PAPPA: variants seen among roughly 807,000 people sequenced by gnomAD.
The protein encoded by PAPPA is pappalysin 1.
In PAPPA, 60 loss-of-function variants were observed where a neutral mutation model predicts 164.0. The observed-to-expected ratio is 0.37, with a 90% CI of 0.30 to 0.45. The LOEUF (loss-of-function observed/expected upper bound fraction) is 0.45. PAPPA is among the 20% of genes least tolerant of loss of function. PAPPA has a pLI of 1.00. For synonymous variants in PAPPA, 875 were observed against 814.1 expected (o/e 1.07, Z -1.27); for missense variants, 1,782 against 2,087.3 (o/e 0.85, Z 2.85).
chr9:116,236,559 C>T (rs567233199), intron 7 of PAPPA, among the ~76,000 whole-genome samples: 4 of 149,572 alleles, frequency 2.7e-5, no homozygotes, highest in African/African-American at 9.9e-5. Context: ...GCACTCCAGC[C>T]TCGGCCACAA....
At chr9:116,308,542 A>AG (rs1845675876) in intron 10 of PAPPA, among the ~76,000 whole-genome samples, 1 of 152,250 alleles carries the variant, frequency 6.6e-6, no homozygotes, top group African/African-American at 2.4e-5. Flanking sequence ...CATCTCTATA[A>AG]GGGGCAGAAC....
rs146565291 is a variant in PAPPA, at chr9:116,363,090, G to A, written c.4495+351G>A. On this transcript the variant is annotated intron_variant, in intron 18 of 21. Coordinates refer to ENST00000328252, the MANE Select transcript of PAPPA (RefSeq NM_002581.5). ...CAGGCAGAAGAAACTCTGTGGCTGA[G>A]GAGCAGGAGTTATGAAAGCACACAT... Among the ~76,000 whole-genome samples, 1,419 of 152,324 alleles carry A rather than the reference G, an allele frequency of 9.3e-3. 12 individuals are homozygous for A. Among genetic ancestry groups the A allele is most frequent in the Non-Finnish European group, 0.014 (958 of 68,026 alleles).
chr9:116,224,933 A>G (rs1474725022), intron 5 of PAPPA, among the ~76,000 whole-genome samples: 1 of 150,582 alleles, frequency 6.6e-6, no homozygotes, highest in East Asian at 2.0e-4. Flanking sequence ...CATGAAGACA[A>G]TGTGAATGTG....
intron 2 of PAPPA, among the ~76,000 whole-genome samples, chr9:116,189,810 C>G (rs73525813): frequency 5.9e-5 from 9 of 152,194 alleles, no homozygotes; most frequent in Admixed American, 3.3e-4. Flanking sequence ...CTCTTTATGT[C>G]TCTCTCAAAA....
At chr9:116,287,812 G>A (rs1004941444) in intron 9 of PAPPA, among the ~76,000 whole-genome samples, 1 of 152,086 alleles carries the variant, frequency 6.6e-6, no homozygotes, top group African/African-American at 2.4e-5. Flanking sequence ...GCCCAGAATT[G>A]GCCTCTTCAG....
At chr9:116,191,421 C>T (rs536462657) in intron 2 of PAPPA, among the ~76,000 whole-genome samples, 14 of 152,290 alleles carry the variant, frequency 9.2e-5, no homozygotes, top group African/African-American at 3.1e-4. Flanking sequence ...TATCTTATTC[C>T]ATTTCATATC....
At chr9:116,170,146 C>T (rs1843759915) in intron 1 of PAPPA, among the ~76,000 whole-genome samples, 1 of 151,896 alleles carries the variant, frequency 6.6e-6, no homozygotes, top group Non-Finnish European at 1.5e-5. Context: ...ATATATGTCC[C>T]CCAAATGGTG....
In PAPPA at chr9:116,207,407, T is replaced by TATTTAAATAG. The variant is rs1554737997; in HGVS notation, c.1479-49_1479-48insATTTAAATAG. 583 of 1,512,958 alleles carry TATTTAAATAG rather than the reference T, an allele frequency of 3.9e-4. 2 individuals are homozygous for TATTTAAATAG. Among genetic ancestry groups the TATTTAAATAG allele is most frequent in the Admixed American group, 3.5e-4 (18 of 51,328 alleles). 93.7% of individuals were successfully genotyped at this position (1,512,958 alleles called of 1,614,324 possible). A position where few individuals can be genotyped will look rare whatever the true frequency, so the allele number is the denominator to read the frequency against. The stretch of plus-strand genomic sequence containing the variant: ...CTCTAAATTATTTGGAGAGGGCCTG[T>TATTTAAATAG]TATCTTTTTGGGGGCATGATAACAG... On this transcript the variant is annotated intron_variant, in intron 2 of 21. Transcript: ENST00000328252.
At chr9:116,379,083 G>T (rs1056612712) in intron 20 of PAPPA, among the ~76,000 whole-genome samples, 1 of 152,174 alleles carries the variant, frequency 6.6e-6, no homozygotes, top group African/African-American at 2.4e-5. Flanking sequence ...CTGAGTTGGC[G>T]GTCTGGGCAA....
intron 7 of PAPPA, among the ~76,000 whole-genome samples, chr9:116,240,509 T>A (rs1844722709): frequency 6.6e-6 from 1 of 152,194 alleles, no homozygotes. Flanking sequence ...TGAGAAAATG[T>A]TCTTTAAATG....
chr9:116,248,060 G>T (rs779221495), intron 7 of PAPPA, among the ~76,000 whole-genome samples: 1 of 152,124 alleles, frequency 6.6e-6, no homozygotes, highest in African/African-American at 2.4e-5. Context: ...TTTTCACTAC[G>T]CTTGTTCTTG....
At chr9:116,358,119 C>A (rs75120024) in intron 17 of PAPPA, among the ~76,000 whole-genome samples, 1 of 152,114 alleles carries the variant, frequency 6.6e-6, no homozygotes, top group Non-Finnish European at 1.5e-5. Context: ...AGAAGAGTCA[C>A]AGACCCATGT....
In PAPPA at chr9:116,392,836, C is replaced by A. The variant is rs3789305; in HGVS notation, c.4777-3673C>A. 0.013 allele frequency among the ~76,000 whole-genome samples: 1,943 copies of A among 152,276 alleles called. 177 individuals carry two copies. In the South Asian group the frequency reaches 0.2, roughly 16 times the overall value. ...GACCCTTGTCTTACAGATGGGGAGG[C>A]TGAAGTCCACAAGATGCCAGGGACT... is the stretch of plus-strand genomic sequence containing the variant. On this transcript the variant is annotated intron_variant, in intron 21 of 21. Transcript: ENST00000328252.
intron 7 of PAPPA, among the ~76,000 whole-genome samples, chr9:116,259,486 A>C (rs982975683): frequency 2.6e-5 from 4 of 152,230 alleles, no homozygotes; most frequent in African/African-American, 9.6e-5. Flanking sequence ...ATAGGCAAAA[A>C]GATGAACAAA....
chr9:116,223,288 G>A (rs1258583218), intron 5 of PAPPA, among the ~76,000 whole-genome samples: 1 of 152,090 alleles, frequency 6.6e-6, no homozygotes, highest in African/African-American at 2.4e-5. Context: ...CAGACTTTTG[G>A]TCAAGCCTTG....
At chr9:116,186,254 CTATATAGA>C (rs1459216494) in intron 1 of PAPPA, among the ~76,000 whole-genome samples, 2 of 143,144 alleles carry the variant, frequency 1.4e-5, no homozygotes, top group Non-Finnish European at 3.1e-5. Flanking sequence ...ATCTATATAT[CTATATAGA>C]TATATAGATA....
intron 8 of PAPPA, among the ~76,000 whole-genome samples, chr9:116,268,695 C>CCTAAT (rs1564204857): frequency 6.6e-6 from 1 of 151,184 alleles, no homozygotes; most frequent in Non-Finnish European, 1.5e-5. Context: ...AAATAGTATA[C>CCTAAT]TTAATACAGT....
intron 9 of PAPPA, among the ~76,000 whole-genome samples, chr9:116,298,346 A>G (rs1011134801): frequency 1.3e-5 from 2 of 152,270 alleles, no homozygotes; most frequent in South Asian, 2.1e-4. Context: ...AGTTTCTGGC[A>G]TATGAAATCT....
At position 116,399,130 on chromosome 9, in the gene PAPPA, C is replaced by CTT. The variant is rs1847010487; in HGVS notation, c.*2515_*2516insTT. On this transcript the variant is annotated 3_prime_UTR_variant, in exon 22 of 22. Coordinates refer to ENST00000328252, the MANE Select transcript of PAPPA (RefSeq NM_002581.5). ...AGCTTCCCTCAAATCAGTCCTTATC[C>CTT]TCTTTCTATCTTCACTCCCATCATC... The CTT allele has an allele frequency of 6.3e-6, 1 of 159,146 alleles. No homozygotes were observed. The highest frequency in any genetic ancestry group is 6.3e-5 in the Admixed American group (1 of 15,984). 9.9% of individuals were successfully genotyped at this position (159,146 alleles called of 1,614,324 possible).
Sources: allele counts gnomAD v4.1 joint callset (sites outside exome capture counted in the v4.1 genomes callset), GRCh38; gene constraint gnomAD v4.1.1; transcripts MANE v1.5; gene names NCBI Gene and HGNC (gene_info 2026-07-23, HGNC 2026-07-21).